Variants in PTPRD observed in about 807,000 individuals in gnomAD.
The protein encoded by PTPRD is protein tyrosine phosphatase receptor type D.
PTPRD carries 34 observed loss-of-function variants against 214.5 expected under a neutral mutation model. The ratio of observed to expected loss-of-function variants is 0.16; its 90% CI spans 0.12 to 0.21. The LOEUF is 0.21. Among genes scored for constraint, PTPRD ranks in the 10% least tolerant of loss-of-function variants. The pLI is 1.00. For missense variants in PTPRD, 2,545 were observed against 2,398.7 expected, an observed-to-expected ratio of 1.06 and a Z score of -1.27; for synonymous variants, 1,128 against 845.7, an observed-to-expected ratio of 1.33 and a Z score of -5.79.
chr9:8,642,027 C>T (rs2096587916), intron 12 of PTPRD, among the ~76,000 whole-genome samples: 1 of 152,194 alleles, frequency 6.6e-6, no homozygotes, highest in Non-Finnish European at 1.5e-5. Flanking sequence ...GTACACTATA[C>T]TAAGTAGTGC....
chr9:9,195,165 G>A (rs1437836298), intron 9 of PTPRD, among the ~76,000 whole-genome samples: 5 of 149,554 alleles, frequency 3.3e-5, no homozygotes, highest in South Asian at 2.1e-4. Context: ...CAAACAAATT[G>A]TTAAGCTGAC....
chr9:9,480,215 G>A (rs2095346789), intron 8 of PTPRD, among the ~76,000 whole-genome samples: 1 of 152,172 alleles, frequency 6.6e-6, no homozygotes, highest in Non-Finnish European at 1.5e-5. Flanking sequence ...CTGAGGTGAA[G>A]GAGATGGTGA....
chr9:10,257,910 T>C (rs1485521257), intron 3 of PTPRD, among the ~76,000 whole-genome samples: 1 of 151,894 alleles, frequency 6.6e-6, no homozygotes, highest in African/African-American at 2.4e-5. Context: ...TGGCAGAAAA[T>C]AATGAAACAA....
At chr9:8,399,104 T>TG (rs2091895071) in intron 36 of PTPRD, among the ~76,000 whole-genome samples, 13 of 151,320 alleles carry the variant, frequency 8.6e-5, no homozygotes, top group Admixed American at 3.3e-4. Flanking sequence ...AGCTTTTTTT[T>TG]TTTTTTTTTC....
chr9:10,281,992 A>T lies in PTPRD; in HGVS notation c.-545+58971T>A, dbSNP rs532435575. On this transcript the variant is annotated intron_variant, in intron 3 of 45. Transcript: ENST00000381196. ...GGGGCCTAAGTAGTTAAAATAATAA[A>T]AAAAAAAAAGGTGCAAAGTAAGCCT... Among the ~76,000 whole-genome samples, 377 of 148,758 alleles carry T rather than the reference A, an allele frequency of 2.5e-3. 2 individuals are homozygous for T. The highest frequency in any genetic ancestry group is 0.01 in the Middle Eastern group (3 of 290).
intron 2 of PTPRD, among the ~76,000 whole-genome samples, chr9:10,382,376 T>A (rs1336016127): frequency 6.6e-6 from 1 of 152,052 alleles, no homozygotes; most frequent in Admixed American, 6.6e-5. Flanking sequence ...TACTTTTCAC[T>A]CCAGTGCCTC....
At chr9:9,392,682 G>A (rs946839751) in intron 9 of PTPRD, among the ~76,000 whole-genome samples, 5 of 152,012 alleles carry the variant, frequency 3.3e-5, no homozygotes, top group East Asian at 1.9e-4. Flanking sequence ...TTGCTTTTAC[G>A]TAACACTGAA....
intron 8 of PTPRD, among the ~76,000 whole-genome samples, chr9:9,401,415 A>G (rs955387109): frequency 2.6e-5 from 4 of 151,922 alleles, no homozygotes; most frequent in Admixed American, 2.6e-4. Flanking sequence ...CTTATTTCTC[A>G]TATCAGTCAG....
intron 2 of PTPRD, among the ~76,000 whole-genome samples, chr9:10,446,899 A>G (rs76976824): frequency 0.014 from 2,154 of 152,222 alleles, 40 homozygotes; most frequent in African/African-American, 0.046. Context: ...ATGCTTATAT[A>G]CCTCCAGTTA....
In PTPRD at chr9:8,441,687, T is replaced by C. The variant is rs977821354; in HGVS notation, c.3989-4998A>G. ...TTTGTGCTGGGGATATAAAGAAGTA[T>C]GCTTCTTGCATGGTTCATCCCCTAT... On this transcript the variant is annotated intron_variant, in intron 34 of 45. Coordinates refer to ENST00000381196, the MANE Select transcript of PTPRD (RefSeq NM_002839.4). 2.0e-5 allele frequency among the ~76,000 whole-genome samples: 3 copies of C among 152,122 alleles called. No homozygotes were observed. The South Asian group carries it at 6.2e-4, about 32-fold the overall frequency.
At chr9:9,758,888 T>A (rs932730) in intron 6 of PTPRD, among the ~76,000 whole-genome samples, 20,842 of 151,804 alleles carry the variant, frequency 0.14, 2,424 homozygotes, top group African/African-American at 0.31. Context: ...TTCTTAATAA[T>A]AAAAATAAGA....
At chr9:10,327,179 A>G (rs868103814) in intron 3 of PTPRD, among the ~76,000 whole-genome samples, 13,747 of 146,970 alleles carry the variant, frequency 0.094, 1,072 homozygotes, top group African/African-American at 0.21. Context: ...GTGTATATAT[A>G]TATATATATA....
chr9:8,438,976 A>C (rs1417655360), intron 34 of PTPRD, among the ~76,000 whole-genome samples: 1 of 152,176 alleles, frequency 6.6e-6, no homozygotes, highest in Non-Finnish European at 1.5e-5. Context: ...TTAAAGAAAA[A>C]TTCAAGCAGA....
At chr9:10,451,204 G>T (rs903078796) in intron 2 of PTPRD, among the ~76,000 whole-genome samples, 6 of 151,890 alleles carry the variant, frequency 4.0e-5, no homozygotes, top group African/African-American at 1.2e-4. Context: ...ATACCAATTT[G>T]AGGCTCTATT....
intron 35 of PTPRD, among the ~76,000 whole-genome samples, chr9:8,417,365 C>T (rs1445496382): frequency 6.6e-6 from 1 of 152,112 alleles, no homozygotes; most frequent in African/African-American, 2.4e-5. Context: ...AAAGCTGATG[C>T]ACATTCATTC....
At chr9:10,187,104 T>A (rs1280651447) in intron 3 of PTPRD, among the ~76,000 whole-genome samples, 1 of 152,196 alleles carries the variant, frequency 6.6e-6, no homozygotes, top group South Asian at 2.1e-4. Flanking sequence ...TTCTTCTTGC[T>A]AATAATCCAT....
At chr9:10,079,806 T>G (rs1242672523) in intron 3 of PTPRD, among the ~76,000 whole-genome samples, 1 of 152,156 alleles carries the variant, frequency 6.6e-6, no homozygotes, top group Non-Finnish European at 1.5e-5. Context: ...TGAAATCTAC[T>G]GCAAAATAGG....
intron 5 of PTPRD, among the ~76,000 whole-genome samples, chr9:9,908,928 G>A (rs1321965683): frequency 3.3e-5 from 5 of 151,920 alleles, no homozygotes; most frequent in Admixed American, 6.6e-5. Context: ...ACAGAGAGAA[G>A]ATATAGGCTA....
intron 4 of PTPRD, among the ~76,000 whole-genome samples, chr9:9,987,884 G>T (rs749830524): frequency 6.6e-6 from 1 of 151,988 alleles, no homozygotes; most frequent in Non-Finnish European, 1.5e-5. Flanking sequence ...TTACATTTTT[G>T]CAGAAGGAAT....
Sources: gnomAD v4.1 joint callset for allele counts (sites outside exome capture counted in the v4.1 genomes callset) on GRCh38, gnomAD v4.1.1 for gene constraint, MANE v1.5 for transcripts, NCBI Gene and HGNC (gene_info 2026-07-23, HGNC 2026-07-21) for gene names.